The following SORBS2 variants were observed in gnomAD, a reference collection of about 807,000 sequenced individuals.
The protein encoded by SORBS2 is sorbin and SH3 domain-containing protein 2.
In SORBS2, 46 loss-of-function variants were observed where a neutral mutation model predicts 97.7. That is an observed-to-expected ratio of 0.47 (90% CI 0.37 to 0.60). SORBS2 has a LOEUF of 0.60. Among genes scored for constraint, SORBS2 ranks in the 20% least tolerant of loss-of-function variants. SORBS2 has a pLI of 0.00. For missense variants in SORBS2, 1,316 were observed against 1,282.3 expected (o/e 1.03, Z -0.40); for synonymous variants, 476 against 473.4 (o/e 1.01, Z -0.07).
At chr4:185,713,438 A>G (rs902084320) in intron 2 of SORBS2, among the ~76,000 whole-genome samples, 1 of 152,196 alleles carries the variant, frequency 6.6e-6, no homozygotes, top group Non-Finnish European at 1.5e-5. Context: ...CACCACAAGG[A>G]TTAGCTCAGA....
At chr4:185,924,782 T>C (rs2099262755) in intron 1 of SORBS2, among the ~76,000 whole-genome samples, 1 of 152,200 alleles carries the variant, frequency 6.6e-6, no homozygotes. Context: ...AGTTTTCTCT[T>C]TGTTCCAATC....
At chr4:185,896,672 A>C (rs559044932) in intron 1 of SORBS2, among the ~76,000 whole-genome samples, 6 of 152,200 alleles carry the variant, frequency 3.9e-5, no homozygotes, top group Non-Finnish European at 7.3e-5. Flanking sequence ...GCTCTTTTCT[A>C]AACACAGAAC....
chr4:185,730,472 G>A (rs1229201317), intron 2 of SORBS2, among the ~76,000 whole-genome samples: 2 of 152,080 alleles, frequency 1.3e-5, no homozygotes, highest in Non-Finnish European at 2.9e-5. Flanking sequence ...CACTGAGCTG[G>A]GGCCCTGGAG....
intron 1 of SORBS2, among the ~76,000 whole-genome samples, chr4:185,833,610 T>C (rs1017573930): frequency 4.6e-5 from 7 of 152,236 alleles, no homozygotes; most frequent in African/African-American, 1.4e-4. Context: ...TATCAGTTTT[T>C]AAAATTACAT....
chr4:185,805,140 T>A (rs749621041), intron 1 of SORBS2, among the ~76,000 whole-genome samples: 5 of 152,196 alleles, frequency 3.3e-5, no homozygotes, highest in Non-Finnish European at 7.3e-5. Flanking sequence ...ATTCACCATA[T>A]GATGTGTTGC....
chr4:185,784,825 C>T (rs1194062070), intron 1 of SORBS2, among the ~76,000 whole-genome samples: 2 of 152,240 alleles, frequency 1.3e-5, no homozygotes, highest in African/African-American at 4.8e-5. Flanking sequence ...CATTAAGTCT[C>T]CGGCCCATTA....
intron 1 of SORBS2, among the ~76,000 whole-genome samples, chr4:185,776,661 G>A (rs1003662862): frequency 2.6e-5 from 4 of 152,086 alleles, no homozygotes; most frequent in Non-Finnish European, 5.9e-5. Context: ...AGCACTTTGG[G>A]AGGCTGAGGC....
chr4:185,941,973 A>T (rs1001869245), intron 1 of SORBS2, among the ~76,000 whole-genome samples: 22 of 152,026 alleles, frequency 1.4e-4, no homozygotes, highest in Non-Finnish European at 3.2e-4. Context: ...AAAATTTGCC[A>T]GGTGTGGTTG....
intron 1 of SORBS2, among the ~76,000 whole-genome samples, chr4:185,853,319 C>T (rs548664480): frequency 3.3e-5 from 5 of 152,218 alleles, no homozygotes; most frequent in African/African-American, 1.2e-4. Context: ...AGTATGTATC[C>T]TTTTCCAAAT....
chr4:185,719,719 T>A (rs2098497022), intron 2 of SORBS2, among the ~76,000 whole-genome samples: 1 of 152,214 alleles, frequency 6.6e-6, no homozygotes, highest in African/African-American at 2.4e-5. Flanking sequence ...GTGTTTCTAA[T>A]CTACATTTTG....
At chr4:185,649,325 G>T in intron 3 of SORBS2, 142 bp downstream of exon 12, 1 of 611,090 alleles carries the variant, frequency 1.6e-6, no homozygotes, top group Non-Finnish European at 2.6e-6. Context: ...AGCAGAGGAG[G>T]TCAATATGGT....
intron 2 of SORBS2, among the ~76,000 whole-genome samples, chr4:185,747,407 C>T (rs1172111691): frequency 6.6e-6 from 1 of 152,220 alleles, no homozygotes. Flanking sequence ...GAATTTCTTG[C>T]AAACGCTTGA....
intron 1 of SORBS2, among the ~76,000 whole-genome samples, chr4:185,832,791 A>G (rs757385744): frequency 9.9e-5 from 15 of 152,204 alleles, no homozygotes; most frequent in Non-Finnish European, 2.1e-4. Context: ...AAAAAAGTGT[A>G]TATGTATCTT....
At chr4:185,632,923 A>G (rs2096931395) in intron 4 of SORBS2, among the ~76,000 whole-genome samples, 1 of 152,194 alleles carries the variant, frequency 6.6e-6, no homozygotes, top group African/African-American at 2.4e-5. Context: ...AAAAATCTAG[A>G]TTGATGACTG....
chr4:185,667,930 T>G (rs368547205), intron 4 of SORBS2, among the ~76,000 whole-genome samples: 1 of 152,098 alleles, frequency 6.6e-6, no homozygotes, highest in East Asian at 1.9e-4. Context: ...TAAGTCTGAA[T>G]GTAATTCAGT....
At chr4:185,653,589 T>C (rs544755299) in intron 1 of SORBS2, among the ~76,000 whole-genome samples, 4 of 152,290 alleles carry the variant, frequency 2.6e-5, no homozygotes, top group African/African-American at 9.6e-5. Context: ...CATAGGATTG[T>C]TATGGAAATC....
intron 2 of SORBS2, 53 bp from the exon 3 acceptor site, chr4:185,734,207 C>T (rs575513890): frequency 6.6e-5 from 10 of 152,612 alleles, no homozygotes; most frequent in African/African-American, 2.2e-4. Context: ...CCCACACTCC[C>T]CAAAACAACC....
Position 185,594,521 on chromosome 4 carries a change from T to G in SORBS2, c.2797-586A>C, listed in dbSNP as rs143520461. Reference sequence around the variant, plus strand: ...TTTTTAAAAAGAGAAAACAGAACTTTGGAATGCAACGAACAATATCCGGGT... The same window carrying G: ...TTTTTAAAAAGAGAAAACAGAACTTGGGAATGCAACGAACAATATCCGGGT... On this transcript the variant is annotated intron_variant, in intron 12 of 14. Coordinates refer to ENST00000418609, the Ensembl canonical transcript of SORBS2. 4.0e-3 allele frequency among the ~76,000 whole-genome samples: 614 copies of G among 152,308 alleles called. 4 individuals are homozygous for G. The highest frequency in any genetic ancestry group is 0.014 in the African/African-American group (569 of 41,568).
At chr4:185,856,187 T>C (rs1001308406) in intron 1 of SORBS2, among the ~76,000 whole-genome samples, 1 of 152,172 alleles carries the variant, frequency 6.6e-6, no homozygotes, top group African/African-American at 2.4e-5. Flanking sequence ...GTTCCTAGTT[T>C]ACAGTAAGCA....
Sources: allele counts gnomAD v4.1 joint callset (sites outside exome capture counted in the v4.1 genomes callset), GRCh38; gene constraint gnomAD v4.1.1; transcripts MANE v1.5; gene names NCBI Gene and HGNC (gene_info 2026-07-23, HGNC 2026-07-21).